Variants in NKAIN3 observed in about 807,000 individuals in gnomAD.
NKAIN3 encodes sodium/potassium-transporting ATPase subunit beta-1-interacting protein 3.
A neutral mutation model predicts 30.2 loss-of-function variants in NKAIN3; 25 were observed. The observed-to-expected ratio is 0.83, with a 90% CI of 0.60 to 1.16. The LOEUF (loss-of-function observed/expected upper bound fraction) is 1.16, where lower values mean the gene tolerates loss of function less well. NKAIN3 is among the 50% of genes most tolerant of loss of function. NKAIN3 has a pLI of 0.00. For missense variants in NKAIN3, 225 were observed against 254.1 expected (o/e 0.89, Z 0.78); for synonymous variants, 91 against 89.6 (o/e 1.02, Z -0.09).
At chr8:62,589,961 T>A (rs1204108082) in intron 3 of NKAIN3, among the ~76,000 whole-genome samples, 167 bp downstream of exon 3, 2 of 149,834 alleles carry the variant, frequency 1.3e-5, no homozygotes, top group African/African-American at 4.9e-5. Context: ...AGGTACCACT[T>A]AGGAAAGAAT....
intron 4 of NKAIN3, among the ~76,000 whole-genome samples, chr8:62,884,185 T>A (rs1821074144): frequency 1.3e-5 from 2 of 152,204 alleles, no homozygotes; most frequent in Non-Finnish European, 2.9e-5. Flanking sequence ...GCTTTTGTAT[T>A]AGGATAATGC....
In NKAIN3 at chr8:62,403,234, C is replaced by A. The variant is rs575674384; in HGVS notation, c.54+154107C>A. Among the ~76,000 whole-genome samples the A allele has an allele frequency of 1.1e-4, 17 of 152,256 alleles. No individual in the cohort carries two copies. The East Asian group carries it at 3.3e-3, about 29-fold the overall frequency. On this transcript the variant is annotated intron_variant, in intron 1 of 6. Transcript: ENST00000623646. The stretch of plus-strand genomic sequence containing the variant: ...AAGCAGCAAAACATTCAAGAGGAAG[C>A]ACGCCTAAAAGTTTGGAAATTTTGC...
intron 1 of NKAIN3, among the ~76,000 whole-genome samples, chr8:62,366,084 A>G (rs1816727960): frequency 6.6e-6 from 1 of 152,018 alleles, no homozygotes; most frequent in African/African-American, 2.4e-5. Context: ...CTTACTCACT[A>G]TTGGTCTTTT....
rs545433749 is a variant in NKAIN3, at chr8:62,819,610, A to G, written c.471+72481A>G. Among the ~76,000 whole-genome samples, 23 of 152,154 alleles carry G rather than the reference A, an allele frequency of 1.5e-4. 1 individual carries two copies. The highest frequency in any genetic ancestry group is 3.4e-3 in the Middle Eastern group (1 of 294). On this transcript the variant is annotated intron_variant, in intron 4 of 6. Coordinates refer to ENST00000623646, the MANE Select transcript of NKAIN3 (RefSeq NM_001304533.3). ...CTTGTATTTCAGTTAGGTACCAGCCATGTCATCAGGAATTAAAAAAATTTT... is the reference window on the plus strand; with the variant it reads ...CTTGTATTTCAGTTAGGTACCAGCCGTGTCATCAGGAATTAAAAAAATTTT...
At chr8:62,574,204 G>T (rs1810035692) in intron 1 of NKAIN3, among the ~76,000 whole-genome samples, 2 of 152,186 alleles carry the variant, frequency 1.3e-5, no homozygotes, top group African/African-American at 4.8e-5. Flanking sequence ...CAAATGACAG[G>T]ATACAAATGA....
intron 1 of NKAIN3, among the ~76,000 whole-genome samples, chr8:62,461,010 C>T (rs1248317989): frequency 1.3e-5 from 2 of 152,146 alleles, no homozygotes; most frequent in Non-Finnish European, 2.9e-5. Context: ...AGGCTGAGTA[C>T]CTGTCCAGGG....
intron 1 of NKAIN3, among the ~76,000 whole-genome samples, chr8:62,373,537 C>T: frequency 6.6e-6 from 1 of 152,112 alleles, no homozygotes; most frequent in East Asian, 1.9e-4. Flanking sequence ...AATTTAGAAC[C>T]CTTCCAAACC....
At chr8:62,474,696 T>C (rs1806458664) in intron 1 of NKAIN3, among the ~76,000 whole-genome samples, 1 of 152,114 alleles carries the variant, frequency 6.6e-6, no homozygotes, top group African/African-American at 2.4e-5. Context: ...TAAGGTTAAA[T>C]AAAAACATTT....
intron 1 of NKAIN3, among the ~76,000 whole-genome samples, chr8:62,319,088 C>T (rs537858969): frequency 1.3e-5 from 2 of 152,236 alleles, no homozygotes; most frequent in African/African-American, 4.8e-5. Context: ...AGGAATTTAT[C>T]CATTTCTTCT....
At chr8:62,562,193 G>A (rs958246805) in intron 1 of NKAIN3, among the ~76,000 whole-genome samples, 2 of 152,084 alleles carry the variant, frequency 1.3e-5, no homozygotes, top group African/African-American at 2.4e-5. Context: ...AAAATTAAGA[G>A]GCTAATCAAA....
intron 1 of NKAIN3, among the ~76,000 whole-genome samples, chr8:62,349,100 A>G (rs1258711259): frequency 6.6e-6 from 1 of 152,208 alleles, no homozygotes; most frequent in Non-Finnish European, 1.5e-5. Flanking sequence ...CTCCATATGG[A>G]CAAAGGAAAA....
At chr8:62,989,478 A>T (rs947832628), downstream of NKAIN3, among the ~76,000 whole-genome samples, 3 of 152,096 alleles carry the variant, frequency 2.0e-5, no homozygotes, top group Admixed American at 6.6e-5. Context: ...CCCCTTACAA[A>T]GCCATCAGAT....
At chr8:62,869,837 G>C (rs575738674) in intron 4 of NKAIN3, among the ~76,000 whole-genome samples, 3 of 152,006 alleles carry the variant, frequency 2.0e-5, no homozygotes, top group African/African-American at 7.2e-5. Flanking sequence ...GCGCGATCTC[G>C]GCTCACTGCA....
chr8:62,460,270 G>C (rs186994533), intron 1 of NKAIN3, among the ~76,000 whole-genome samples: 16 of 152,004 alleles, frequency 1.1e-4, no homozygotes, highest in Admixed American at 1.0e-3. Flanking sequence ...AAATTAGCCG[G>C]GTGTGGTGGC....
chr8:62,256,554 A>G (rs139743840), intron 1 of NKAIN3, among the ~76,000 whole-genome samples: 213 of 152,258 alleles, frequency 1.4e-3, no homozygotes, highest in African/African-American at 4.8e-3. Context: ...TATCAGAGGG[A>G]GTGTCGTGTT....
intron 1 of NKAIN3, among the ~76,000 whole-genome samples, chr8:62,398,449 A>AG (rs71255332): frequency 0.97 from 147,675 of 152,346 alleles, 71,626 homozygotes; most frequent in East Asian, 1. Flanking sequence ...TAACATGAAA[A>AG]CTAGAGCTTT....
chr8:62,440,917 A>T (rs1305251662), intron 1 of NKAIN3, among the ~76,000 whole-genome samples: 1 of 152,106 alleles, frequency 6.6e-6, no homozygotes, highest in Non-Finnish European at 1.5e-5. Context: ...TTCGACTGCC[A>T]TGGTTTTTTC....
At chr8:62,421,598 A>G (rs188953952) in intron 1 of NKAIN3, among the ~76,000 whole-genome samples, 194 of 151,176 alleles carry the variant, frequency 1.3e-3, no homozygotes, top group African/African-American at 4.6e-3. Flanking sequence ...TTTGGCTGCA[A>G]TTGGAGTCTC....
At chr8:62,958,039 TC>T (rs1158711657) in intron 6 of NKAIN3, among the ~76,000 whole-genome samples, 1 of 152,020 alleles carries the variant, frequency 6.6e-6, no homozygotes, top group East Asian at 1.9e-4. Flanking sequence ...AAATATTAAG[TC>T]TTTAAGGGGA....
Sources: allele counts gnomAD v4.1 joint callset (sites outside exome capture counted in the v4.1 genomes callset), GRCh38; gene constraint gnomAD v4.1.1; transcripts MANE v1.5; gene names NCBI Gene and HGNC (gene_info 2026-07-23, HGNC 2026-07-21).